The following HACD2 variants were observed in gnomAD, a reference collection of about 807,000 sequenced individuals.
HACD2 encodes the protein 3-hydroxyacyl-CoA dehydratase 2, also known as very-long-chain (3R)-3-hydroxyacyl-CoA dehydratase 2.
A neutral mutation model predicts 31.0 loss-of-function variants in HACD2; 15 were observed. That is an observed-to-expected ratio of 0.48 (90% CI 0.32 to 0.75). The LOEUF is 0.75. Ranked by LOEUF, HACD2 falls within the 30% of genes least tolerant of loss-of-function variation. The pLI, the probability that HACD2 is intolerant of heterozygous loss-of-function variation, is 0.03. For missense variants in HACD2, 283 were observed against 313.0 expected (o/e 0.90, Z 0.72); for synonymous variants, 115 against 122.2 (o/e 0.94, Z 0.39).
intron 2 of HACD2, among the ~76,000 whole-genome samples, chr3:123,575,335 T>C (rs1186601313): frequency 6.6e-6 from 1 of 152,198 alleles, no homozygotes; most frequent in Non-Finnish European, 1.5e-5. Flanking sequence ...CAAGCTGGTC[T>C]TGAACTCCTG....
At chr3:123,534,084 T>G (rs1353693512) in intron 3 of HACD2, among the ~76,000 whole-genome samples, 1 of 151,796 alleles carries the variant, frequency 6.6e-6, no homozygotes, top group Non-Finnish European at 1.5e-5. Flanking sequence ...GATCTGGCAA[T>G]TGGTTGCTTG....
At chr3:123,529,104 C>A (rs997162359) in intron 3 of HACD2, among the ~76,000 whole-genome samples, 4 of 150,176 alleles carry the variant, frequency 2.7e-5, no homozygotes, top group African/African-American at 1.0e-4. Context: ...TGATTATTTT[C>A]TTTATTTATT....
chr3:123,569,509 T>C (rs1411292538), intron 2 of HACD2, among the ~76,000 whole-genome samples: 2 of 152,118 alleles, frequency 1.3e-5, no homozygotes, highest in African/African-American at 2.4e-5. Context: ...CTACAGGCAA[T>C]TGCCACTACG....
chr3:123,565,117 C>T (rs2056776794), intron 3 of HACD2, among the ~76,000 whole-genome samples: 1 of 152,058 alleles, frequency 6.6e-6, no homozygotes, highest in African/African-American at 2.4e-5. Flanking sequence ...GGTATGCACA[C>T]GTGCTAGGCG....
At chr3:123,584,026 A>G (rs1232349597) in intron 1 of HACD2, among the ~76,000 whole-genome samples, 1 of 152,248 alleles carries the variant, frequency 6.6e-6, no homozygotes, top group Non-Finnish European at 1.5e-5. Context: ...TAACTGTCTG[A>G]TGCTGTGATC....
intron 3 of HACD2, among the ~76,000 whole-genome samples, chr3:123,544,606 T>C (rs1032338771): frequency 2.6e-5 from 4 of 152,158 alleles, no homozygotes; most frequent in African/African-American, 9.7e-5. Context: ...TCAGAAATGC[T>C]ACCTAAAAAA....
intron 3 of HACD2, among the ~76,000 whole-genome samples, chr3:123,554,377 T>C (rs1032574947): frequency 6.6e-6 from 1 of 152,092 alleles, no homozygotes; most frequent in Non-Finnish European, 1.5e-5. Flanking sequence ...GGTACACATC[T>C]GTAGTCCCAG....
intron 3 of HACD2, among the ~76,000 whole-genome samples, chr3:123,541,120 A>T (rs2107719678): frequency 6.6e-6 from 1 of 152,184 alleles, no homozygotes; most frequent in South Asian, 2.1e-4. Context: ...AAAATACAAA[A>T]ATTAGCCGGG....
At chr3:123,545,573 A>T (rs947580000) in intron 3 of HACD2, among the ~76,000 whole-genome samples, 1 of 148,284 alleles carries the variant, frequency 6.7e-6, no homozygotes, top group Non-Finnish European at 1.5e-5. Flanking sequence ...AAAGACCACA[A>T]CTTGATTTAA....
intron 2 of HACD2, among the ~76,000 whole-genome samples, chr3:123,569,684 T>C (rs573131061): frequency 6.6e-6 from 1 of 152,130 alleles, no homozygotes; most frequent in South Asian, 2.1e-4. Context: ...TCTATCCATG[T>C]ATGCAGCAAG....
chr3:123,560,080 G>A (rs1219740958), intron 3 of HACD2, among the ~76,000 whole-genome samples: 1 of 152,182 alleles, frequency 6.6e-6, no homozygotes, highest in African/African-American at 2.4e-5. Flanking sequence ...AAATTATGGA[G>A]GTGTGAAAAA....
At chr3:123,536,264 C>G (rs905569536) in intron 3 of HACD2, among the ~76,000 whole-genome samples, 9 of 152,232 alleles carry the variant, frequency 5.9e-5, no homozygotes, top group African/African-American at 1.7e-4. Context: ...AAATTCAAAT[C>G]CTTAAATTGT....
chr3:123,562,140 G>A (rs1214019469), intron 3 of HACD2, among the ~76,000 whole-genome samples: 2 of 152,140 alleles, frequency 1.3e-5, no homozygotes, highest in Non-Finnish European at 2.9e-5. Context: ...TTTCTAAAAG[G>A]AAAAACACTG....
chr3:123,505,507 C>T (rs1244146913), intron 4 of HACD2, among the ~76,000 whole-genome samples: 1 of 152,170 alleles, frequency 6.6e-6, no homozygotes, highest in Non-Finnish European at 1.5e-5. Flanking sequence ...GACTTAGCAA[C>T]AACAAAATGA....
intron 4 of HACD2, among the ~76,000 whole-genome samples, chr3:123,508,864 T>C (rs1419581807): frequency 2.0e-5 from 3 of 152,092 alleles, no homozygotes; most frequent in Non-Finnish European, 2.9e-5. Flanking sequence ...GGCAGCATGA[T>C]TGGTTTCTGG....
chr3:123,552,851 A>G (rs189821667), intron 3 of HACD2, among the ~76,000 whole-genome samples: 102 of 152,302 alleles, frequency 6.7e-4, no homozygotes, highest in Non-Finnish European at 8.2e-4. Context: ...AAAGGAGAAC[A>G]GATTCAAATA....
intron 2 of HACD2, among the ~76,000 whole-genome samples, chr3:123,572,902 A>G (rs533469231): frequency 4.0e-5 from 6 of 149,644 alleles, no homozygotes; most frequent in African/African-American, 9.8e-5. Flanking sequence ...TCTTGGGAGG[A>G]AAAAAAAAAC....
intron 4 of HACD2, among the ~76,000 whole-genome samples, chr3:123,520,857 A>C (rs1209158911): frequency 6.6e-6 from 1 of 152,148 alleles, no homozygotes; most frequent in Admixed American, 6.5e-5. Flanking sequence ...CATATAACTA[A>C]AGTTAAAACC....
intron 3 of HACD2, among the ~76,000 whole-genome samples, chr3:123,529,300 C>A (rs2107707738): frequency 6.6e-6 from 1 of 152,286 alleles, no homozygotes; most frequent in Admixed American, 6.5e-5. Flanking sequence ...TAGGGCTTCA[C>A]CATATTGGCC....
Sources: allele counts gnomAD v4.1 joint callset (sites outside exome capture counted in the v4.1 genomes callset), GRCh38; gene constraint gnomAD v4.1.1; transcripts MANE v1.5; gene names NCBI Gene and HGNC (gene_info 2026-07-23, HGNC 2026-07-21).